GAPVD1: variants seen among roughly 807,000 people sequenced by gnomAD.
The protein encoded by GAPVD1 is GTPase activating protein and VPS9 domains 1, also known as GTPase-activating protein and VPS9 domain-containing protein 1.
In GAPVD1, 35 loss-of-function variants were observed where a neutral mutation model predicts 155.5. The observed-to-expected ratio is 0.23, with a 90% CI of 0.17 to 0.30. GAPVD1 has a LOEUF of 0.30. Ranked by LOEUF, GAPVD1 falls within the 10% of genes least tolerant of loss-of-function variation. The pLI is 1.00. For missense variants in GAPVD1, 1,429 were observed against 1,775.7 expected, an observed-to-expected ratio of 0.80 and a Z score of 3.51; for synonymous variants, 636 against 619.7, an observed-to-expected ratio of 1.03 and a Z score of -0.39.
At chr9:125,307,245 G>C (rs933572604) in intron 6 of GAPVD1, among the ~76,000 whole-genome samples, 168 bp from the exon 7 acceptor site, 1 of 150,058 alleles carries the variant, frequency 6.7e-6, no homozygotes, top group Non-Finnish European at 1.5e-5. Flanking sequence ...TTCCAGCCTG[G>C]GTAAAAGAGT....
chr9:125,338,488 C>G (rs1847351953), intron 17 of GAPVD1, among the ~76,000 whole-genome samples: 1 of 152,208 alleles, frequency 6.6e-6, no homozygotes, highest in Admixed American at 6.5e-5. Flanking sequence ...TTTTAGTTGT[C>G]ATGCCTTTTT....
At chr9:125,362,567 T>C in intron 27 of GAPVD1, 39 bp from the exon 28 acceptor site, 1 of 1,534,870 alleles carries the variant, frequency 6.5e-7, no homozygotes, top group Non-Finnish European at 8.9e-7. Flanking sequence ...AGCTATGACA[T>C]CTGAGTAATT....
chr9:125,312,698 T>G, intron 9 of GAPVD1, 86 bp downstream of exon 9: 1 of 910,732 alleles, frequency 1.1e-6, no homozygotes, highest in South Asian at 1.9e-5. Flanking sequence ...TTGGGTGGCT[T>G]ATAAACAACA....
In GAPVD1 at chr9:125,325,712, T is replaced by C. The variant is rs111315042; in HGVS notation, c.1859-704T>C. On this transcript the variant is annotated intron_variant, in intron 11 of 27. Transcript: ENST00000297933. ...GTGTGGCTTGAAAAAAGTAATGCTG[T>C]ATTTTACTGGATTTGTTTATCAGTG... 4.4e-3 allele frequency among the ~76,000 whole-genome samples: 674 copies of C among 152,266 alleles called. 11 individuals carry two copies. The highest frequency in any genetic ancestry group is 0.016 in the African/African-American group (652 of 41,556).
At chr9:125,269,701 C>CGTA (rs1834565075) in intron 2 of GAPVD1, among the ~76,000 whole-genome samples, 1 of 145,066 alleles carries the variant, frequency 6.9e-6, no homozygotes, top group Admixed American at 7.0e-5. Flanking sequence ...CATGAGCTAC[C>CGTA]ATGCCTGGCT....
chr9:125,317,099 C>T (rs901456070), intron 9 of GAPVD1, among the ~76,000 whole-genome samples: 3 of 152,180 alleles, frequency 2.0e-5, no homozygotes, highest in Middle Eastern at 3.4e-3. Context: ...GTGGGCTGTT[C>T]ATGAGGTCAG....
intron 25 of GAPVD1, among the ~76,000 whole-genome samples, chr9:125,359,195 G>A (rs1304988162): frequency 6.6e-6 from 1 of 152,110 alleles, no homozygotes; most frequent in Admixed American, 6.6e-5. Flanking sequence ...GTCCAGAGAG[G>A]AAAGACTCCC....
chr9:125,286,812 G>A lies in GAPVD1; in HGVS notation c.-149-8646G>A, dbSNP rs1303572122. Among the ~76,000 whole-genome samples, 4 of 152,048 alleles carry A rather than the reference G, an allele frequency of 2.6e-5. No homozygotes were observed. In the East Asian group the frequency reaches 5.8e-4, roughly 22 times the overall value. On this transcript the variant is annotated intron_variant, in intron 2 of 27. Transcript: ENST00000297933. Reference sequence around the variant, plus strand: ...TGGTATCAAAAGTTTCACCGGGCTCGGTGGCTCACGCCTGTAATCCTAGCA... The same window carrying A: ...TGGTATCAAAAGTTTCACCGGGCTCAGTGGCTCACGCCTGTAATCCTAGCA...
At position 125,348,282 on chromosome 9, in the gene GAPVD1, A is replaced by G. The variant is rs566694159; in HGVS notation, c.3170-1108A>G. Among the ~76,000 whole-genome samples, 14 of 151,856 alleles carry G rather than the reference A, an allele frequency of 9.2e-5. No homozygotes were observed. In the South Asian group the frequency reaches 1.9e-3, roughly 20 times the overall value. On this transcript the variant is annotated intron_variant, in intron 20 of 27. Transcript: ENST00000297933. Reference sequence around the variant, plus strand: ...ATGTTGCCCAGGCTGGTCTCTCCCTATATTTTTTCCTGAAGCATTTGAAAT... The same window carrying G: ...ATGTTGCCCAGGCTGGTCTCTCCCTGTATTTTTTCCTGAAGCATTTGAAAT...
At chr9:125,284,356 T>C (rs1387980362) in intron 2 of GAPVD1, among the ~76,000 whole-genome samples, 1 of 151,604 alleles carries the variant, frequency 6.6e-6, no homozygotes, top group Non-Finnish European at 1.5e-5. Flanking sequence ...TTTTTTGTAT[T>C]TTTAGTAGAG....
Position 125,302,200 on chromosome 9 carries a change from T to A in GAPVD1, c.403T>A (p.Ser135Thr). The A allele has an allele frequency of 6.2e-7, 1 of 1,613,518 alleles. No individual in the cohort carries two copies. Among genetic ancestry groups the A allele is most frequent in the Non-Finnish European group, 8.5e-7 (1 of 1,179,470 alleles). Residue 135 changes from serine (S) to threonine (T), a missense_variant, in exon 5 of 28, where the codon TCC (serine) becomes ACC (threonine). Coordinates refer to ENST00000297933, the MANE Select transcript of GAPVD1 (RefSeq NM_001282680.3). ...AAGTGTTATTTACACAGTTTTTACC[T>A]CCCTGTATGGCAATTGCATCATGCA... ...TQSVIYTVFT[S>T]LYGNCIMQED...
chr9:125,336,858 T>C (rs1847093495), intron 15 of GAPVD1, 160 bp from the exon 16 acceptor site: 2 of 587,256 alleles, frequency 3.4e-6, no homozygotes, highest in African/African-American at 3.8e-5. Context: ...AGAAAATGAA[T>C]TGGAAGTAAT....
At chr9:125,293,852 T>TTATATATATAAATATATTATATA (rs1839179851) in intron 2 of GAPVD1, among the ~76,000 whole-genome samples, 1 of 35,196 alleles carries the variant, frequency 2.8e-5, no homozygotes, top group African/African-American at 1.6e-4. Flanking sequence ...AAAATATATT[T>TTATATATATAAATATATTATATA]TATATATATA....
intron 14 of GAPVD1, 138 bp downstream of exon 14, chr9:125,332,198 C>A: frequency 1.2e-6 from 1 of 851,288 alleles, no homozygotes; most frequent in Non-Finnish European, 1.8e-6. Flanking sequence ...ATTTCCATTG[C>A]ACCTGAAATC....
chr9:125,356,938 G>C (rs1850164441), intron 25 of GAPVD1, among the ~76,000 whole-genome samples: 1 of 152,204 alleles, frequency 6.6e-6, no homozygotes, highest in Non-Finnish European at 1.5e-5. Flanking sequence ...GCCTCCCAAA[G>C]TGCTGAGATG....
chr9:125,305,016 GTATC>G, intron 5 of GAPVD1, 43 bp from the exon 6 acceptor site: 1 of 1,202,130 alleles, frequency 8.3e-7, no homozygotes. Flanking sequence ...GTATTTGTGA[GTATC>G]TGTCTGTAGC....
chr9:125,325,072 A>G (rs781574471), intron 11 of GAPVD1, among the ~76,000 whole-genome samples: 3 of 152,036 alleles, frequency 2.0e-5, no homozygotes, highest in Non-Finnish European at 4.4e-5. Flanking sequence ...TAAAAATACA[A>G]AAATTAGCCA....
At chr9:125,274,463 CTT>C (rs1161944755) in intron 2 of GAPVD1, among the ~76,000 whole-genome samples, 22 of 137,886 alleles carry the variant, frequency 1.6e-4, no homozygotes, top group Admixed American at 2.9e-4. Flanking sequence ...GCGCTTTGTA[CTT>C]TTTTTTTTTT....
intron 2 of GAPVD1, among the ~76,000 whole-genome samples, chr9:125,270,065 A>G (rs1284900311): frequency 1.3e-5 from 2 of 151,988 alleles, no homozygotes; most frequent in African/African-American, 4.8e-5. Context: ...TTTTTACTGT[A>G]TACACATTTT....
Sources: gnomAD v4.1 joint callset for allele counts (sites outside exome capture counted in the v4.1 genomes callset) on GRCh38, gnomAD v4.1.1 for gene constraint, MANE v1.5 for transcripts, NCBI Gene and HGNC (gene_info 2026-07-23, HGNC 2026-07-21) for gene names.